Variants in HPSE2 observed in about 807,000 individuals in gnomAD.
The protein encoded by HPSE2 is inactive heparanase-2.
HPSE2 carries 38 observed loss-of-function variants against 60.5 expected under a neutral mutation model. The observed-to-expected ratio is 0.63, with a 90% CI of 0.48 to 0.82. The LOEUF (loss-of-function observed/expected upper bound fraction) is 0.82. HPSE2 is among the 40% of genes least tolerant of loss of function. The probability of loss-of-function intolerance (pLI) is 0.00; values close to 1 mark genes in which losing one functional copy is unlikely to be tolerated. For synonymous variants in HPSE2, 295 were observed against 293.2 expected (o/e 1.01, Z -0.06); for missense variants, 713 against 740.4 (o/e 0.96, Z 0.43).
rs928001996 is a variant in HPSE2, at chr10:98,895,890, A to T, written c.611-151834T>A. 1.0e-4 allele frequency among the ~76,000 whole-genome samples: 14 copies of T among 135,792 alleles called. No homozygotes were observed. The South Asian group carries it at 1.2e-3, about 12-fold the overall frequency. 89.1% of individuals were successfully genotyped at this position (135,792 alleles called of 152,430 possible). A position where few individuals can be genotyped will look rare whatever the true frequency, so the allele number is the denominator to read the frequency against. ...CATAGATGGGAATTGAACAATGAGA[A>T]CACATGGACACAGGAAGGGGAACAT... On this transcript the variant is annotated intron_variant, in intron 3 of 11. Coordinates refer to ENST00000370552, the MANE Select transcript of HPSE2 (RefSeq NM_021828.5).
intron 3 of HPSE2, among the ~76,000 whole-genome samples, chr10:99,088,862 A>T (rs1843417824): frequency 6.6e-6 from 1 of 152,032 alleles, no homozygotes; most frequent in Non-Finnish European, 1.5e-5. Context: ...CCACACCAAC[A>T]TCTATTTTTT....
At chr10:99,314,477 T>A in the HPSE2 span, among the ~76,000 whole-genome samples, 780 of 152,338 alleles carry the variant, frequency 5.1e-3, 3 homozygotes, top group Non-Finnish European at 8.0e-3. Flanking sequence ...TATTTTTAAA[T>A]TAAGGTATGT....
chr10:98,943,351 T>C (rs570568333), intron 3 of HPSE2, among the ~76,000 whole-genome samples: 3 of 152,146 alleles, frequency 2.0e-5, no homozygotes, highest in Non-Finnish European at 4.4e-5. Flanking sequence ...TCTTTTAATA[T>C]TATTTTGATT....
At chr10:98,736,473 T>C (rs934251069) in intron 4 of HPSE2, among the ~76,000 whole-genome samples, 9 of 152,182 alleles carry the variant, frequency 5.9e-5, no homozygotes, top group East Asian at 3.9e-4. Context: ...TTCTCCACCA[T>C]GATAATGAAC....
In HPSE2 at chr10:98,924,304, T is replaced by A. The variant is rs201776996; in HGVS notation, c.611-180248A>T. ...CCCCTGTGGCCACCACCACTGGGAC[T>A]GTGCTGGGTCAGACCCAAAGCCAGC... On this transcript the variant is annotated intron_variant, in intron 3 of 11. Coordinates refer to ENST00000370552, the MANE Select transcript of HPSE2 (RefSeq NM_021828.5). Among the ~76,000 whole-genome samples, 7 of 152,334 alleles carry A rather than the reference T, an allele frequency of 4.6e-5. No individual in the cohort carries two copies. The East Asian group carries it at 1.2e-3, about 25-fold the overall frequency.
At chr10:98,556,183 G>A (rs1045090539) in intron 9 of HPSE2, among the ~76,000 whole-genome samples, 55 of 152,184 alleles carry the variant, frequency 3.6e-4, no homozygotes, top group African/African-American at 1.3e-3. Flanking sequence ...CTAGATCTAA[G>A]GGAAATTGCT....
chr10:99,245,898 AATAG>A, the HPSE2 span, among the ~76,000 whole-genome samples: 103 of 152,342 alleles, frequency 6.8e-4, no homozygotes, highest in East Asian at 0.013. Context: ...TCATAAAGGA[AATAG>A]ATAGGTAAAA....
At chr10:98,489,902 T>C (rs1467001187) in intron 10 of HPSE2, 149 bp downstream of exon 10, 3 of 820,836 alleles carry the variant, frequency 3.7e-6, no homozygotes, top group Non-Finnish European at 6.2e-6. Context: ...CAGAAATTAT[T>C]TGAAACCTCC....
intron 9 of HPSE2, among the ~76,000 whole-genome samples, chr10:98,608,665 G>A (rs963250476): frequency 6.6e-6 from 1 of 152,170 alleles, no homozygotes; most frequent in Non-Finnish European, 1.5e-5. Flanking sequence ...AGCCAAGGAT[G>A]CCCTTCTCTC....
intron 3 of HPSE2, among the ~76,000 whole-genome samples, chr10:98,748,120 GA>G (rs1224366473): frequency 6.6e-6 from 1 of 152,094 alleles, no homozygotes; most frequent in African/African-American, 2.4e-5. Flanking sequence ...CCAACATAGT[GA>G]AACTGGTCTC....
At chr10:98,892,281 T>C (rs187680005) in intron 3 of HPSE2, among the ~76,000 whole-genome samples, 98 of 152,346 alleles carry the variant, frequency 6.4e-4, no homozygotes, top group African/African-American at 2.2e-3. Flanking sequence ...CATATCTCTG[T>C]TGCATTATCC....
At chr10:98,508,900 T>G (rs1028964683) in intron 9 of HPSE2, among the ~76,000 whole-genome samples, 4 of 152,184 alleles carry the variant, frequency 2.6e-5, no homozygotes, top group Admixed American at 2.6e-4. Context: ...GATTTCAGAA[T>G]TCATCTTACA....
intron 3 of HPSE2, among the ~76,000 whole-genome samples, chr10:98,948,103 G>C (rs10786490): frequency 0.48 from 72,196 of 151,976 alleles, 19,201 homozygotes; most frequent in East Asian, 0.62. Context: ...CCCTAATAGA[G>C]AGAACATCAT....
intron 2 of HPSE2, among the ~76,000 whole-genome samples, chr10:99,160,627 C>A (rs537337871): frequency 2.0e-5 from 3 of 152,110 alleles, no homozygotes; most frequent in East Asian, 3.9e-4. Context: ...TGGCCGGGCG[C>A]GGTGGCTCAC....
chr10:99,206,635 A>G (rs1306657525), intron 2 of HPSE2, among the ~76,000 whole-genome samples: 2 of 152,020 alleles, frequency 1.3e-5, no homozygotes, highest in Non-Finnish European at 2.9e-5. Flanking sequence ...ATGTTGTTCC[A>G]GGGTCAATGG....
the HPSE2 span, among the ~76,000 whole-genome samples, chr10:99,261,672 C>T: frequency 1.8e-4 from 28 of 152,238 alleles, no homozygotes; most frequent in East Asian, 5.8e-4. Context: ...AATTAGATTC[C>T]GGCCCTCAAA....
chr10:98,466,208 T>C (rs1480487806), intron 11 of HPSE2, among the ~76,000 whole-genome samples: 4 of 152,180 alleles, frequency 2.6e-5, no homozygotes, highest in African/African-American at 4.8e-5. Flanking sequence ...CAAGAGGGGA[T>C]CTTTAGTGGG....
At chr10:98,716,271 T>C (rs1373694587) in intron 5 of HPSE2, among the ~76,000 whole-genome samples, 2 of 151,938 alleles carry the variant, frequency 1.3e-5, no homozygotes, top group Non-Finnish European at 2.9e-5. Flanking sequence ...ACTGAAGTCT[T>C]GAATCCCTCA....
At chr10:98,911,032 A>C (rs1186511191) in intron 3 of HPSE2, among the ~76,000 whole-genome samples, 1 of 152,240 alleles carries the variant, frequency 6.6e-6, no homozygotes, top group East Asian at 1.9e-4. Context: ...CCAGAAGAAA[A>C]GCAAGAAGAG....
Sources: allele counts gnomAD v4.1 joint callset (sites outside exome capture counted in the v4.1 genomes callset), GRCh38; gene constraint gnomAD v4.1.1; transcripts MANE v1.5; gene names NCBI Gene and HGNC (gene_info 2026-07-23, HGNC 2026-07-21).